PCDHA11: variants seen among roughly 807,000 people sequenced by gnomAD.
PCDHA11 encodes the protein protocadherin alpha-11.
Under a neutral mutation model 70.3 loss-of-function variants are expected in PCDHA11, and 61 were observed. The ratio of observed to expected loss-of-function variants is 0.87; its 90% confidence interval spans 0.71 to 1.07. PCDHA11 has a LOEUF of 1.07. Among genes scored for constraint, PCDHA11 ranks in the 50% least tolerant of loss-of-function variants. The pLI is 0.00. For missense variants in PCDHA11, 1,324 were observed against 1,237.5 expected, an observed-to-expected ratio of 1.07 and a Z score of -1.05; for synonymous variants, 633 against 555.1, an observed-to-expected ratio of 1.14 and a Z score of -1.97.
chr5:140,902,185 T>TTCTC (rs370111655), intron 1 of PCDHA11, among the ~76,000 whole-genome samples: 1 of 150,794 alleles, frequency 6.6e-6, no homozygotes, highest in African/African-American at 2.4e-5. Context: ...CCTTTATGTC[T>TTCTC]TCTCTCTCTC....
chr5:140,938,065 C>A (rs2091903151), intron 1 of PCDHA11, among the ~76,000 whole-genome samples: 1 of 152,094 alleles, frequency 6.6e-6, no homozygotes, highest in Admixed American at 6.5e-5. Context: ...TACTGTCATG[C>A]TATTCCCAAA....
chr5:140,892,826 C>T (rs1554185388), intron 1 of PCDHA11, among the ~76,000 whole-genome samples: 1 of 152,166 alleles, frequency 6.6e-6, no homozygotes, highest in Non-Finnish European at 1.5e-5. Flanking sequence ...TACAGTGCTA[C>T]AGTGCTGCAA....
chr5:140,922,527 C>T (rs1436336713), intron 1 of PCDHA11, among the ~76,000 whole-genome samples: 2 of 152,130 alleles, frequency 1.3e-5, no homozygotes, highest in East Asian at 3.9e-4. Flanking sequence ...AAGATTGAAC[C>T]TAAGGATGTG....
intron 1 of PCDHA11, among the ~76,000 whole-genome samples, chr5:140,945,058 C>A (rs939271004): frequency 1.3e-5 from 2 of 151,996 alleles, no homozygotes; most frequent in Non-Finnish European, 2.9e-5. Flanking sequence ...AAAGAAAACC[C>A]TACAGACTCC....
At chr5:140,888,834 C>T (rs2061995964) in intron 1 of PCDHA11, among the ~76,000 whole-genome samples, 1 of 152,080 alleles carries the variant, frequency 6.6e-6, no homozygotes, top group Non-Finnish European at 1.5e-5. Context: ...CATCACTCCA[C>T]TGCAGCCTGG....
intron 1 of PCDHA11, among the ~76,000 whole-genome samples, chr5:140,873,769 T>G (rs1554166882): frequency 6.6e-6 from 1 of 151,412 alleles, no homozygotes; most frequent in Non-Finnish European, 1.5e-5. Flanking sequence ...CAAGCAATTC[T>G]CCTGCCTCAG....
chr5:140,882,288 G>C (rs1554173426), intron 1 of PCDHA11: 2 of 1,613,210 alleles, frequency 1.2e-6, no homozygotes, highest in East Asian at 2.2e-5. Flanking sequence ...TCCTGGCAAG[G>C]AGGCCCAAGA....
At chr5:140,958,326 A>T (rs1440413634) in intron 1 of PCDHA11, among the ~76,000 whole-genome samples, 1 of 152,150 alleles carries the variant, frequency 6.6e-6, no homozygotes, top group Non-Finnish European at 1.5e-5. Flanking sequence ...CTCAAAAAAT[A>T]AATAAATCAC....
At position 140,920,535 on chromosome 5, in the gene PCDHA11, T is replaced by C. The variant is rs75447697; in HGVS notation, c.2391+49041T>C. ...TATGCAATTCGTTAGACTCAGGTTT[T>C]CTATTTCACCTTCGAAGTGTGGCCC... is the stretch of plus-strand genomic sequence containing the variant. On this transcript the variant is annotated intron_variant, in intron 1 of 3. Transcript: ENST00000398640. Among the ~76,000 whole-genome samples the C allele has an allele frequency of 1.3e-3, 198 of 152,336 alleles. 1 individual carries two copies. Among genetic ancestry groups the C allele is most frequent in the African/African-American group, 4.5e-3 (189 of 41,590 alleles).
At chr5:140,940,600 G>A (rs576348550) in intron 1 of PCDHA11, among the ~76,000 whole-genome samples, 36 of 152,074 alleles carry the variant, frequency 2.4e-4, no homozygotes, top group African/African-American at 8.4e-4. Flanking sequence ...GGCATGAGCC[G>A]CTGCTCCTGG....
At chr5:140,871,521 CA>C in intron 1 of PCDHA11, 27 bp downstream of exon 1, 1 of 1,553,236 alleles carries the variant, frequency 6.4e-7, no homozygotes, top group Non-Finnish European at 8.7e-7. Context: ...TTCCACCTAT[CA>C]GGAAGTGTAT....
intron 3 of PCDHA11, among the ~76,000 whole-genome samples, chr5:140,983,034 C>G (rs923296416): frequency 2.6e-5 from 4 of 151,944 alleles, no homozygotes; most frequent in Non-Finnish European, 5.9e-5. Context: ...GATGGTTTCT[C>G]ATGGAAGTGG....
At chr5:140,979,408 GT>G (rs558051720) in intron 2 of PCDHA11, among the ~76,000 whole-genome samples, 17 of 147,706 alleles carry the variant, frequency 1.2e-4, no homozygotes, top group East Asian at 4.0e-4. Flanking sequence ...TGTCTACCTT[GT>G]TTTTTTTTTA....
intron 1 of PCDHA11, chr5:140,884,314 G>T: frequency 6.2e-7 from 1 of 1,613,760 alleles, no homozygotes. Context: ...CGTCGAGGGC[G>T]TCGGCAGGCG....
At position 140,870,930 on chromosome 5, in the gene PCDHA11, A is replaced by G. The variant is rs373236202; in HGVS notation, c.1827A>G (p.Glu609=). The part of the protein sequence containing the change: ...DSGYNAWLSY[E]LQPAAGGSRI... ...GCTACAACGCGTGGCTTTCATATGA[A>G]TTGCAGCCGGCGGCGGGCGGCTCGC... Residue 609 remains glutamate, a synonymous_variant, in exon 1 of 4, where the codon GAA becomes GAG. Coordinates refer to ENST00000398640, the MANE Select transcript of PCDHA11 (RefSeq NM_018902.5). 1.9e-6 allele frequency: 3 copies of G among 1,613,850 alleles called. No homozygotes were observed. The East Asian group carries it at 6.7e-5, about 36-fold the overall frequency.
At chr5:140,981,828 A>C (rs2096952526) in intron 2 of PCDHA11, among the ~76,000 whole-genome samples, 1 of 152,060 alleles carries the variant, frequency 6.6e-6, no homozygotes, top group Non-Finnish European at 1.5e-5. Context: ...GCTTGCCTCT[A>C]AAGGTCTCCC....
intron 3 of PCDHA11, among the ~76,000 whole-genome samples, chr5:141,005,470 G>T (rs1563690887): frequency 6.6e-6 from 1 of 151,956 alleles, no homozygotes; most frequent in African/African-American, 2.4e-5. Flanking sequence ...TTGGGAGGCC[G>T]AGACGGGCGG....
At chr5:140,883,655 T>A (rs782178754) in intron 1 of PCDHA11, 7 of 1,613,000 alleles carry the variant, frequency 4.3e-6, no homozygotes, top group African/African-American at 1.3e-5. Context: ...GTACACGGTG[T>A]TCGTGAAGGA....
In PCDHA11 at chr5:140,984,898, A is replaced by G. The variant is rs551340383; in HGVS notation, c.2539+2335A>G. ...GTTACCATGAGAACTAAAGGAGAAA[A>G]AAAGAACTGAGCATAGTGCTTGACA... On this transcript the variant is annotated intron_variant, in intron 3 of 3. Transcript: ENST00000398640. Among the ~76,000 whole-genome samples, 21 of 152,282 alleles carry G rather than the reference A, an allele frequency of 1.4e-4. No individual in the cohort carries two copies. The South Asian group carries it at 4.4e-3, about 32-fold the overall frequency.
Sources: allele counts gnomAD v4.1 joint callset (sites outside exome capture counted in the v4.1 genomes callset), GRCh38; gene constraint gnomAD v4.1.1; transcripts MANE v1.5; gene names NCBI Gene and HGNC (gene_info 2026-07-23, HGNC 2026-07-21).